Variants in SYNRG observed in about 807,000 individuals in gnomAD.
SYNRG encodes the protein AP1 gamma subunit binding protein 1.
SYNRG carries 37 observed loss-of-function variants against 130.9 expected under a neutral mutation model. The observed-to-expected ratio is 0.28, with a 90% confidence interval of 0.22 to 0.37. The LOEUF (loss-of-function observed/expected upper bound fraction) is 0.37. Ranked by LOEUF, SYNRG falls within the 10% of genes least tolerant of loss-of-function variation. The probability of loss-of-function intolerance (pLI) is 1.00; values close to 1 mark genes in which losing one functional copy is unlikely to be tolerated. For missense variants in SYNRG, 1,338 were observed against 1,588.9 expected, an observed-to-expected ratio of 0.84 and a Z score of 2.68; for synonymous variants, 539 against 568.1, an observed-to-expected ratio of 0.95 and a Z score of 0.73.
chr17:37,556,600 ATAGT>A (rs1180480103), intron 13 of SYNRG, among the ~76,000 whole-genome samples: 1 of 151,694 alleles, frequency 6.6e-6, no homozygotes, highest in African/African-American at 2.4e-5. Context: ...CTAACCTGAG[ATAGT>A]TAACCAATTC....
intron 5 of SYNRG, 34 bp from the exon 6 acceptor site, chr17:37,584,793 C>T: frequency 2.0e-6 from 3 of 1,523,908 alleles, no homozygotes; most frequent in Non-Finnish European, 2.7e-6. Flanking sequence ...TATTTCTTTA[C>T]TTATCCCTCA....
At chr17:37,571,297 T>TTAGGC in intron 9 of SYNRG, among the ~76,000 whole-genome samples, 1 of 152,160 alleles carries the variant, frequency 6.6e-6, no homozygotes, top group Non-Finnish European at 1.5e-5. Context: ...TTAAAAGTCT[T>TTAGGC]TAGGCCAGGC....
chr17:37,528,975 G>GAATA (rs1282018299), intron 19 of SYNRG, among the ~76,000 whole-genome samples: 3 of 152,222 alleles, frequency 2.0e-5, no homozygotes, highest in Non-Finnish European at 4.4e-5. Flanking sequence ...TTAGAGAAAT[G>GAATA]AATACTCTGG....
chr17:37,523,121 T>G (rs1598045504), intron 19 of SYNRG, among the ~76,000 whole-genome samples: 1 of 152,282 alleles, frequency 6.6e-6, no homozygotes, highest in East Asian at 1.9e-4. Context: ...ACCACTATTT[T>G]TAATATAATA....
chr17:37,530,764 C>T (rs577973303), intron 19 of SYNRG, among the ~76,000 whole-genome samples: 6 of 152,338 alleles, frequency 3.9e-5, no homozygotes, highest in Admixed American at 6.5e-5. Flanking sequence ...TTCTCCCCAG[C>T]TTCTGTTCGC....
chr17:37,604,482 AAGG>A (rs1477214431), intron 1 of SYNRG, among the ~76,000 whole-genome samples: 1 of 152,222 alleles, frequency 6.6e-6, no homozygotes, highest in African/African-American at 2.4e-5. Context: ...TGAAGAGACT[AAGG>A]ATCTTGCTTC....
At position 37,553,450 on chromosome 17, in the gene SYNRG, A is replaced by G; in HGVS notation, c.2273T>C (p.Leu758Pro). 6.2e-7 allele frequency: 1 copy of G among 1,614,176 alleles called. No homozygotes were observed. Among genetic ancestry groups the G allele is most frequent in the Non-Finnish European group, 8.5e-7 (1 of 1,180,028 alleles). ...FRQLSLEGSGLGVEDLKDNTP... is the reference protein window; with the variant it reads ...FRQLSLEGSGPGVEDLKDNTP... ...GTTATCTTTCAGGTCTTCAACACCT[A>G]GTCCAGACCCTTCCAGAGAAAGTTG... The change falls in exon 14 of 22, where the codon CTA (leucine) becomes CCA (proline). Residue 758 changes from leucine (L) to proline (P), a missense_variant. Transcript: ENST00000612223.
intron 10 of SYNRG, among the ~76,000 whole-genome samples, chr17:37,569,967 T>C (rs186240066): frequency 7.2e-5 from 11 of 152,332 alleles, no homozygotes; most frequent in Admixed American, 2.0e-4. Context: ...TGTGAAGGAA[T>C]TGAAATTTAT....
rs574809703 is a variant in SYNRG, at chr17:37,515,053, T to A, written c.*3887A>T. The stretch of plus-strand genomic sequence containing the variant: ...ATTCACTGGTTAATAAAGCCACAGC[T>A]ACAAAGTAATGAGATGTCCCACATG... On this transcript the variant is annotated 3_prime_UTR_variant, in exon 22 of 22. Coordinates refer to ENST00000612223, the MANE Select transcript of SYNRG (RefSeq NM_007247.6). The A allele has an allele frequency of 5.4e-4, 82 of 152,356 alleles. No individual in the cohort carries two copies. Among genetic ancestry groups the A allele is most frequent in the African/African-American group, 2.0e-3 (82 of 41,592 alleles). The allele number at this position is 152,356 out of a possible 1,614,324, so 9.4% of individuals were successfully genotyped here. A position where few individuals can be genotyped will look rare whatever the true frequency, so the allele number is the denominator to read the frequency against.
chr17:37,552,667 G>A (rs934132898), intron 14 of SYNRG, among the ~76,000 whole-genome samples: 1 of 152,144 alleles, frequency 6.6e-6, no homozygotes, highest in Non-Finnish European at 1.5e-5. Flanking sequence ...GACCTAACAA[G>A]AGTTAATTTC....
rs1171099633 is a variant in SYNRG at position 37,517,723 on chromosome 17, C to T, written c.*1217G>A. 1 of 152,058 alleles carries T rather than the reference C, an allele frequency of 6.6e-6. No individual in the cohort carries two copies. The highest frequency in any genetic ancestry group is 2.4e-5 in the African/African-American group (1 of 41,390). The allele number at this position is 152,058 out of a possible 1,614,324, so 9.4% of individuals were successfully genotyped here. ...GGTCTAAACCACACAAAGTAAAGCACACGAGATTGAAAAATCTCTTCATAA... is the reference window on the plus strand; with the variant it reads ...GGTCTAAACCACACAAAGTAAAGCATACGAGATTGAAAAATCTCTTCATAA... On this transcript the variant is annotated 3_prime_UTR_variant, in exon 22 of 22. Coordinates refer to ENST00000612223, the MANE Select transcript of SYNRG (RefSeq NM_007247.6).
chr17:37,604,998 T>C (rs976872373), intron 1 of SYNRG, among the ~76,000 whole-genome samples: 2 of 152,220 alleles, frequency 1.3e-5, no homozygotes, highest in African/African-American at 2.4e-5. Context: ...CAAAGATCAC[T>C]GATCACAGAT....
At chr17:37,555,589 A>G (rs2059057741) in intron 13 of SYNRG, among the ~76,000 whole-genome samples, 1 of 152,242 alleles carries the variant, frequency 6.6e-6, no homozygotes, top group Non-Finnish European at 1.5e-5. Context: ...AAAACCAGAG[A>G]TAAACCAAAT....
At chr17:37,554,940 GTTTA>G (rs1355752442) in intron 13 of SYNRG, among the ~76,000 whole-genome samples, 3 of 151,976 alleles carry the variant, frequency 2.0e-5, no homozygotes, top group East Asian at 1.9e-4. Flanking sequence ...TGACGGAATT[GTTTA>G]TTTATTTATT....
chr17:37,549,436 G>A (rs553460673), intron 14 of SYNRG, among the ~76,000 whole-genome samples: 1 of 152,020 alleles, frequency 6.6e-6, no homozygotes, highest in East Asian at 1.9e-4. Context: ...AATAAGAATG[G>A]TTCAAACCTT....
intron 19 of SYNRG, among the ~76,000 whole-genome samples, chr17:37,531,066 T>C (rs536668619): frequency 1.3e-5 from 2 of 152,146 alleles, no homozygotes; most frequent in Admixed American, 6.5e-5. Flanking sequence ...CTGGGCAACA[T>C]AGTGAGGCCC....
intron 15 of SYNRG, chr17:37,541,155 A>G (rs574393080): frequency 4.8e-5 from 47 of 985,438 alleles, no homozygotes; most frequent in Admixed American, 6.1e-5. Flanking sequence ...ACCTTTCTAA[A>G]TATCAGTATG....
chr17:37,532,753 G>A (rs1054238858), intron 19 of SYNRG, among the ~76,000 whole-genome samples: 50 of 145,834 alleles, frequency 3.4e-4, no homozygotes, highest in African/African-American at 1.2e-3. Flanking sequence ...CTGATTAATT[G>A]TACCTCCCCT....
chr17:37,539,926 G>A (rs1344857329), intron 16 of SYNRG, among the ~76,000 whole-genome samples: 3 of 152,214 alleles, frequency 2.0e-5, no homozygotes, highest in Non-Finnish European at 2.9e-5. Context: ...TGTGTGTGAG[G>A]ACGTGGCCCA....
Sources: gnomAD v4.1 joint callset for allele counts (sites outside exome capture counted in the v4.1 genomes callset) on GRCh38, gnomAD v4.1.1 for gene constraint, MANE v1.5 for transcripts, NCBI Gene and HGNC (gene_info 2026-07-23, HGNC 2026-07-21) for gene names.